NOMO3: variants seen among roughly 807,000 people sequenced by gnomAD.
NOMO3 encodes BOS complex subunit NOMO3.
NOMO3 carries 15 observed loss-of-function variants against 69.9 expected under a neutral mutation model. The observed-to-expected ratio is 0.21, with a 90% CI of 0.14 to 0.33. The LOEUF (loss-of-function observed/expected upper bound fraction) is 0.33, where lower values mean the gene tolerates loss of function less well. NOMO3 is among the 10% of genes least tolerant of loss of function. The pLI, the probability that NOMO3 is intolerant of heterozygous loss-of-function variation, is 1.00. For missense variants in NOMO3, 218 were observed against 761.0 expected (o/e 0.29, Z 8.39); for synonymous variants, 89 against 301.9 (o/e 0.29, Z 7.31).
At chr16:16,259,014 G>A (rs1373824701) in intron 11 of NOMO3, among the ~76,000 whole-genome samples, 1 of 142,614 alleles carries the variant, frequency 7.0e-6, no homozygotes, top group Non-Finnish European at 1.5e-5. Flanking sequence ...AGGCAGTCAT[G>A]GTTGTCTGGA....
chr16:16,266,147 G>A (rs1450380411), intron 15 of NOMO3, among the ~76,000 whole-genome samples: 2 of 139,624 alleles, frequency 1.4e-5, no homozygotes, highest in Admixed American at 6.9e-5. Context: ...ATAATGTTTT[G>A]ATGTCGAGCG....
intron 9 of NOMO3, 75 bp from the exon 10 acceptor site, chr16:16,255,645 C>T (rs2049504136): frequency 4.8e-6 from 6 of 1,245,844 alleles, no homozygotes; most frequent in South Asian, 1.3e-5. Flanking sequence ...AGGTGGTGGC[C>T]GGCGCAGCAG....
Position 16,259,301 on chromosome 16 carries a change from G to A in NOMO3, c.1221-2201G>A, listed in dbSNP as rs1341255962. 3.5e-5 allele frequency among the ~76,000 whole-genome samples: 5 copies of A among 144,426 alleles called. 2 individuals are homozygous for A. Among genetic ancestry groups the A allele is most frequent in the African/African-American group, 1.4e-4 (5 of 35,440 alleles). 94.7% of individuals were successfully genotyped at this position (144,426 alleles called of 152,430 possible). On this transcript the variant is annotated intron_variant, in intron 11 of 30. Coordinates refer to ENST00000399336, the MANE Select transcript of NOMO3 (RefSeq NM_001004067.4). ...AATCTCTTTTTTTTAATTGGCCGAT[G>A]TAGTACATTTGCCTTTTTAGCACAC...
intron 16 of NOMO3, among the ~76,000 whole-genome samples, chr16:16,267,840 G>T (rs1451699088): frequency 7.7e-6 from 1 of 130,158 alleles, no homozygotes; most frequent in Admixed American, 7.6e-5. Flanking sequence ...TTATCAAGTT[G>T]CACAACCATG....
intron 3 of NOMO3, among the ~76,000 whole-genome samples, chr16:16,241,545 T>C (rs2141247947): frequency 1.8e-5 from 2 of 112,556 alleles, no homozygotes; most frequent in Non-Finnish European, 3.4e-5. Flanking sequence ...TAGATGAGAT[T>C]ACAGGTGTGC....
intron 4 of NOMO3, among the ~76,000 whole-genome samples, chr16:16,243,974 G>C (rs574441260): frequency 0.019 from 2,759 of 144,128 alleles, 504 homozygotes; most frequent in African/African-American, 0.06. Flanking sequence ...TGACACTTAC[G>C]TAGGAGGATT....
chr16:16,266,483 A>T (rs2049620665), intron 15 of NOMO3: 1 of 202,030 alleles, frequency 4.9e-6, no homozygotes. Flanking sequence ...GGTCCTCTGC[A>T]GTCCCACACC....
At chr16:16,237,547 G>T (rs1338353728) in intron 2 of NOMO3, among the ~76,000 whole-genome samples, 5 of 135,630 alleles carry the variant, frequency 3.7e-5, no homozygotes, top group African/African-American at 6.1e-5. Context: ...TTTTTTTGTT[G>T]TTTTTTTTTT....
chr16:16,258,872 A>G (rs1414111719), intron 11 of NOMO3, among the ~76,000 whole-genome samples: 1 of 143,336 alleles, frequency 7.0e-6, no homozygotes, highest in Non-Finnish European at 1.5e-5. Flanking sequence ...CTCAAAAAAA[A>G]AAAAAAGAGT....
intron 16 of NOMO3, among the ~76,000 whole-genome samples, chr16:16,268,924 G>A (rs1414301432): frequency 1.4e-5 from 2 of 142,014 alleles, no homozygotes; most frequent in Non-Finnish European, 1.5e-5. Flanking sequence ...GGCCAGAACC[G>A]TGCCACATGG....
At chr16:16,268,494 G>A (rs1365527759) in intron 16 of NOMO3, among the ~76,000 whole-genome samples, 1 of 143,864 alleles carries the variant, frequency 7.0e-6, no homozygotes, top group Non-Finnish European at 1.5e-5. Flanking sequence ...ATAATTCAGT[G>A]GCTCCTCCGT....
chr16:16,261,309 G>T (rs1453494422), intron 11 of NOMO3, 193 bp from the exon 12 acceptor site: 3 of 634,818 alleles, frequency 4.7e-6, no homozygotes, highest in East Asian at 3.4e-5. Flanking sequence ...GCTTCTGAAG[G>T]TTGCTTTTTA....
At chr16:16,235,296 A>G (rs899647553) in intron 1 of NOMO3, among the ~76,000 whole-genome samples, 1 of 150,490 alleles carries the variant, frequency 6.6e-6, no homozygotes, top group Admixed American at 6.6e-5. Flanking sequence ...TCATGGTCAT[A>G]GAGCATTAAC....
At chr16:16,258,588 G>A (rs1405239468) in intron 11 of NOMO3, among the ~76,000 whole-genome samples, 13 of 140,988 alleles carry the variant, frequency 9.2e-5, no homozygotes, top group South Asian at 4.5e-4. Flanking sequence ...TTGGTTGGCC[G>A]GGCACGGTGG....
intron 16 of NOMO3, among the ~76,000 whole-genome samples, chr16:16,268,247 C>T (rs1396222195): frequency 1.4e-5 from 2 of 144,842 alleles, no homozygotes; most frequent in Non-Finnish European, 2.9e-5. Flanking sequence ...TTTCTTGTTT[C>T]GATACCTAGG....
intron 11 of NOMO3, among the ~76,000 whole-genome samples, chr16:16,257,441 AAAG>A (rs567005954): frequency 8.0e-6 from 1 of 124,410 alleles, no homozygotes; most frequent in Admixed American, 7.7e-5. Flanking sequence ...CTGGGGACAG[AAAG>A]AGAAGCCAGT....
At chr16:16,265,666 A>ATTTT (rs1949437355) in intron 15 of NOMO3, among the ~76,000 whole-genome samples, 1 of 32,638 alleles carries the variant, frequency 3.1e-5, no homozygotes, top group Non-Finnish European at 5.0e-5. Flanking sequence ...ATATATATAT[A>ATTTT]TATATTTTTT....
intron 9 of NOMO3, among the ~76,000 whole-genome samples, chr16:16,252,985 C>A (rs2049477378): frequency 7.4e-6 from 1 of 134,530 alleles, no homozygotes; most frequent in African/African-American, 3.4e-5. Flanking sequence ...AGGCACGTGC[C>A]ACCATGCCCA....
In NOMO3 at chr16:16,265,144, A is replaced by G. The variant is rs1352394477; in HGVS notation, c.1771A>G (p.Met591Val). ...AGTTGAGTTCAGGCAGACGGGCTACATGCTGAGATGTTCCCTGTCTCACGC... is the reference window on the plus strand; with the variant it reads ...AGTTGAGTTCAGGCAGACGGGCTACGTGCTGAGATGTTCCCTGTCTCACGC... ...SAVEFRQTGY[M>V]LRCSLSHAIT... The change falls in exon 15 of 31, where the codon ATG becomes GTG. Residue 591 changes from methionine (M) to valine (V), a missense_variant. Transcript: ENST00000399336. The G allele has an allele frequency of 3.8e-6, 6 of 1,585,428 alleles. No homozygotes were observed. Among genetic ancestry groups the G allele is most frequent in the South Asian group, 1.1e-5 (1 of 89,148 alleles).
Sources: gnomAD v4.1 joint callset for allele counts (sites outside exome capture counted in the v4.1 genomes callset) on GRCh38, gnomAD v4.1.1 for gene constraint, MANE v1.5 for transcripts, NCBI Gene and HGNC (gene_info 2026-07-23, HGNC 2026-07-21) for gene names.